The following FILIP1L variants were observed in gnomAD, a reference collection of about 807,000 sequenced individuals.
The protein encoded by FILIP1L is filamin A-interacting protein 1-like.
FILIP1L carries 55 observed loss-of-function variants against 96.6 expected under a neutral mutation model. The ratio of observed to expected loss-of-function variants is 0.57; its 90% CI spans 0.46 to 0.71. The LOEUF is 0.71. Ranked by LOEUF, FILIP1L falls within the 30% of genes least tolerant of loss-of-function variation. FILIP1L has a pLI of 0.00. For missense variants in FILIP1L, 1,304 were observed against 1,321.2 expected, an observed-to-expected ratio of 0.99 and a Z score of 0.20; for synonymous variants, 467 against 473.9, an observed-to-expected ratio of 0.99 and a Z score of 0.19.
intron 1 of FILIP1L, among the ~76,000 whole-genome samples, chr3:100,012,672 G>A (rs536023210): frequency 2.2e-4 from 34 of 151,934 alleles, no homozygotes; most frequent in Admixed American, 9.2e-4. Flanking sequence ...AGACATACAT[G>A]GTTGCCCCAA....
chr3:99,930,645 T>C (rs527589826), intron 2 of FILIP1L, 124 bp downstream of exon 2: 13 of 993,972 alleles, frequency 1.3e-5, no homozygotes, highest in Non-Finnish European at 1.9e-5. Context: ...TATATACTTA[T>C]GCTTTGCTTT....
rs1435505851 is a variant in FILIP1L, at chr3:99,850,476, A to G, written c.1200T>C (p.Asn400=). The G allele has an allele frequency of 6.2e-6, 10 of 1,613,746 alleles. No individual in the cohort carries two copies. Among genetic ancestry groups the G allele is most frequent in the African/African-American group, 2.7e-5 (2 of 74,868 alleles). ...IKMEEQCRDL[N]KRLERETLQS... ...GTAACGTCTCCCTTTCAAGCCTCTT[A>G]TTGAGATCTCTGCACTGCTCCTCCA... The change falls in exon 5 of 6, where the codon AAT becomes AAC. Residue 400 remains asparagine, a synonymous_variant. Transcript: ENST00000477258.
intron 1 of FILIP1L, among the ~76,000 whole-genome samples, chr3:100,073,067 A>G (rs1397545316): frequency 1.3e-5 from 2 of 152,220 alleles, no homozygotes; most frequent in Non-Finnish European, 2.9e-5. Flanking sequence ...GTGTATGTTC[A>G]TAATAAAATG....
intron 1 of FILIP1L, among the ~76,000 whole-genome samples, chr3:100,022,666 T>A (rs2064847096): frequency 6.6e-6 from 1 of 152,216 alleles, no homozygotes; most frequent in Non-Finnish European, 1.5e-5. Context: ...GGAGATTCCA[T>A]TCTGCCTGAC....
Position 100,105,910 on chromosome 3 carries a change from T to C in FILIP1L, c.-11+8143A>G, listed in dbSNP as rs201114253. Among the ~76,000 whole-genome samples, 4 of 152,318 alleles carry C rather than the reference T, an allele frequency of 2.6e-5. No homozygotes were observed. The East Asian group carries it at 7.7e-4, about 29-fold the overall frequency. On this transcript the variant is annotated intron_variant, in intron 1 of 5. Coordinates refer to ENST00000477258, the MANE Select transcript of FILIP1L (RefSeq NM_001387850.1). ...AAACTTTTTTTTAATCAATGAGCTT[T>C]CTTTTCTCACTTCAAACTTAGAAAC... is the stretch of plus-strand genomic sequence containing the variant.
At chr3:99,878,064 T>G (rs1346334081) in intron 4 of FILIP1L, among the ~76,000 whole-genome samples, 1 of 152,228 alleles carries the variant, frequency 6.6e-6, no homozygotes, top group Non-Finnish European at 1.5e-5. Flanking sequence ...TTCTGAAGAA[T>G]AGAGGAAAGA....
At chr3:99,892,947 G>A (rs1279331760) in intron 4 of FILIP1L, among the ~76,000 whole-genome samples, 1 of 152,074 alleles carries the variant, frequency 6.6e-6, no homozygotes, top group East Asian at 1.9e-4. Context: ...AAGAAGATGA[G>A]GCCCCTGTTG....
chr3:99,970,955 G>A (rs188597887), intron 1 of FILIP1L, among the ~76,000 whole-genome samples: 181 of 152,322 alleles, frequency 1.2e-3, no homozygotes, highest in African/African-American at 4.2e-3. Context: ...AATAGGGCTT[G>A]GCAGTGCTCC....
At chr3:99,934,912 C>T (rs138559623) in intron 1 of FILIP1L, among the ~76,000 whole-genome samples, 11 of 152,262 alleles carry the variant, frequency 7.2e-5, no homozygotes, top group African/African-American at 2.4e-4. Flanking sequence ...GGGATAGTAG[C>T]ATCAACATTC....
At chr3:100,098,890 T>C (rs1254030760) in intron 1 of FILIP1L, among the ~76,000 whole-genome samples, 3 of 152,204 alleles carry the variant, frequency 2.0e-5, no homozygotes, top group Non-Finnish European at 4.4e-5. Context: ...ATATTTTTGA[T>C]TCATTGCCTG....
At chr3:100,071,405 A>C (rs2065761305) in intron 1 of FILIP1L, among the ~76,000 whole-genome samples, 1 of 152,176 alleles carries the variant, frequency 6.6e-6, no homozygotes, top group African/African-American at 2.4e-5. Context: ...CAGCCTCCCC[A>C]TCTTAACTGT....
chr3:100,089,289 T>G (rs961307242), intron 1 of FILIP1L, among the ~76,000 whole-genome samples: 2 of 152,142 alleles, frequency 1.3e-5, no homozygotes, highest in African/African-American at 4.8e-5. Flanking sequence ...ATTTTATTAT[T>G]TAGAGTTCAG....
intron 1 of FILIP1L, among the ~76,000 whole-genome samples, chr3:100,069,625 A>G (rs2065727183): frequency 6.6e-6 from 1 of 152,184 alleles, no homozygotes; most frequent in African/African-American, 2.4e-5. Flanking sequence ...TACTCTTAAG[A>G]ATTTTCACTG....
intron 1 of FILIP1L, among the ~76,000 whole-genome samples, chr3:100,075,364 C>A (rs1195571325): frequency 6.6e-6 from 1 of 152,178 alleles, no homozygotes; most frequent in Non-Finnish European, 1.5e-5. Context: ...GTGTCCTTTA[C>A]CCTACAGGAG....
intron 1 of FILIP1L, among the ~76,000 whole-genome samples, chr3:100,045,818 C>CT (rs2065270366): frequency 6.6e-6 from 1 of 152,222 alleles, no homozygotes; most frequent in Non-Finnish European, 1.5e-5. Flanking sequence ...GCAAGGCCTT[C>CT]TGGGCTTCTT....
At chr3:100,043,990 C>A (rs574914556) in intron 1 of FILIP1L, among the ~76,000 whole-genome samples, 1 of 152,302 alleles carries the variant, frequency 6.6e-6, no homozygotes, top group Non-Finnish European at 1.5e-5. Context: ...CCTCCAGTTC[C>A]ATCCACGTTG....
At chr3:99,944,061 C>T (rs895656809) in intron 1 of FILIP1L, among the ~76,000 whole-genome samples, 2 of 152,200 alleles carry the variant, frequency 1.3e-5, no homozygotes, top group Admixed American at 6.5e-5. Flanking sequence ...CATGCCTTCC[C>T]TCTTAGAACA....
In FILIP1L at chr3:100,000,926, C is replaced by T. The variant is rs146593766; in HGVS notation, c.-10-69896G>A. ...AGCCTGTAGTTGACCTACGGCAAGACACTTGTAAGAGTAGCTCCTTGATTT... is the reference window on the plus strand; with the variant it reads ...AGCCTGTAGTTGACCTACGGCAAGATACTTGTAAGAGTAGCTCCTTGATTT... On this transcript the variant is annotated intron_variant, in intron 1 of 5. Coordinates refer to ENST00000477258, the MANE Select transcript of FILIP1L (RefSeq NM_001387850.1). Among the ~76,000 whole-genome samples the T allele has an allele frequency of 4.6e-3, 707 of 152,266 alleles. 2 individuals carry two copies. The highest frequency in any genetic ancestry group is 7.0e-3 in the South Asian group (34 of 4,826).
rs116429269 is a variant in FILIP1L at position 100,021,550 on chromosome 3, G to A, written c.-10-90520C>T. 3.6e-3 allele frequency among the ~76,000 whole-genome samples: 544 copies of A among 152,274 alleles called. 5 individuals are homozygous for A. The highest frequency in any genetic ancestry group is 0.013 in the African/African-American group (532 of 41,550). On this transcript the variant is annotated intron_variant, in intron 1 of 5. Transcript: ENST00000477258. The stretch of plus-strand genomic sequence containing the variant: ...CAGAAAGAACAGAGTCAAGAAAGGA[G>A]CTATCGTGAGCTCTTGAATTTGAAG...
Sources: gnomAD v4.1 joint callset for allele counts (sites outside exome capture counted in the v4.1 genomes callset) on GRCh38, gnomAD v4.1.1 for gene constraint, MANE v1.5 for transcripts, NCBI Gene and HGNC (gene_info 2026-07-23, HGNC 2026-07-21) for gene names.